PPAT: variants seen among roughly 807,000 people sequenced by gnomAD.
The protein encoded by PPAT is amidophosphoribosyltransferase.
A neutral mutation model predicts 60.2 loss-of-function variants in PPAT; 20 were observed. The ratio of observed to expected loss-of-function variants is 0.33; its 90% CI spans 0.23 to 0.48. The LOEUF is 0.48. PPAT is among the 20% of genes least tolerant of loss of function. The pLI, the probability that PPAT is intolerant of heterozygous loss-of-function variation, is 0.99. For missense variants in PPAT, 349 were observed against 629.6 expected, an observed-to-expected ratio of 0.55 and a Z score of 4.77; for synonymous variants, 194 against 215.1, an observed-to-expected ratio of 0.90 and a Z score of 0.86.
chr4:56,423,173 T>A (rs1717128814), intron 1 of PPAT: 1 of 152,256 alleles, frequency 6.6e-6, no homozygotes, highest in Non-Finnish European at 1.5e-5. Context: ...AAGCTTCATA[T>A]AACTTCACAA....
At chr4:56,416,691 G>T (rs574526860) in intron 1 of PPAT, among the ~76,000 whole-genome samples, 6 of 152,266 alleles carry the variant, frequency 3.9e-5, no homozygotes, top group African/African-American at 1.4e-4. Flanking sequence ...GAAATCTGAT[G>T]GCTAAACTTA....
At chr4:56,410,899 T>TAAAAAAAAAAA in intron 1 of PPAT, 1 of 676,424 alleles carries the variant, frequency 1.5e-6, no homozygotes, top group Non-Finnish European at 1.7e-6. Flanking sequence ...CCACTGAAGG[T>TAAAAAAAAAAA]AAAAAAAAAA....
chr4:56,407,355 G>C (rs1007870042), intron 2 of PPAT, among the ~76,000 whole-genome samples: 4 of 145,896 alleles, frequency 2.7e-5, no homozygotes, highest in African/African-American at 1.0e-4. Flanking sequence ...TTTCACTCTT[G>C]TTGCCCAGGC....
intron 1 of PPAT, among the ~76,000 whole-genome samples, chr4:56,428,306 C>A (rs1717402711): frequency 1.3e-5 from 2 of 151,926 alleles, no homozygotes; most frequent in African/African-American, 4.8e-5. Flanking sequence ...AACACAGAGG[C>A]CGGAAAATAC....
At chr4:56,407,304 T>A (rs776158503) in intron 2 of PPAT, among the ~76,000 whole-genome samples, 24 of 151,924 alleles carry the variant, frequency 1.6e-4, no homozygotes, top group Non-Finnish European at 2.8e-4. Flanking sequence ...ATCTTTGTCA[T>A]CCCATTTCTT....
At chr4:56,405,703 C>T (rs1716225334) in intron 3 of PPAT, among the ~76,000 whole-genome samples, 1 of 152,246 alleles carries the variant, frequency 6.6e-6, no homozygotes, top group Non-Finnish European at 1.5e-5. Context: ...GGCATGGAAG[C>T]TCCACACTCG....
chr4:56,426,985 G>A (rs1386783255), intron 1 of PPAT, among the ~76,000 whole-genome samples: 1 of 152,088 alleles, frequency 6.6e-6, no homozygotes, highest in African/African-American at 2.4e-5. Context: ...TCATATAAGT[G>A]GAATCATACA....
intron 1 of PPAT, among the ~76,000 whole-genome samples, chr4:56,411,300 C>A (rs867706157): frequency 2.1e-4 from 32 of 152,184 alleles, no homozygotes; most frequent in African/African-American, 7.5e-4. Context: ...CAGCTCCAAA[C>A]AAGAACTTTC....
chr4:56,425,434 GA>G, intron 1 of PPAT: 3 of 931,810 alleles, frequency 3.2e-6, no homozygotes, highest in Non-Finnish European at 3.8e-6. Flanking sequence ...TTACAAATGT[GA>G]AAAAAGAAAG....
chr4:56,398,045 A>G (rs1716022111), intron 9 of PPAT, among the ~76,000 whole-genome samples: 1 of 130,852 alleles, frequency 7.6e-6, no homozygotes, highest in Non-Finnish European at 1.8e-5. Flanking sequence ...AGTATCAAGG[A>G]AAAAAGAAAA....
chr4:56,433,961 A>G (rs1717753233), intron 1 of PPAT, among the ~76,000 whole-genome samples: 1 of 152,190 alleles, frequency 6.6e-6, no homozygotes, highest in Non-Finnish European at 1.5e-5. Flanking sequence ...AAGTGCTGGG[A>G]TTACAGGCGT....
intron 8 of PPAT, 164 bp downstream of exon 8, chr4:56,400,620 G>T: frequency 2.7e-6 from 2 of 735,570 alleles, no homozygotes; most frequent in Non-Finnish European, 4.0e-6. Flanking sequence ...TAGTGCCATT[G>T]GATAAAAAGC....
chr4:56,418,494 AT>A, intron 1 of PPAT, among the ~76,000 whole-genome samples: 1 of 151,874 alleles, frequency 6.6e-6, no homozygotes, highest in East Asian at 2.0e-4. Context: ...TAATTTTTGC[AT>A]TTTTTTGTAG....
chr4:56,414,753 A>G (rs77439348), intron 1 of PPAT, among the ~76,000 whole-genome samples: 1,698 of 152,202 alleles, frequency 0.011, 30 homozygotes, highest in African/African-American at 0.036. Flanking sequence ...CCCTGCCTTT[A>G]TTTACTGCTC....
intron 1 of PPAT, among the ~76,000 whole-genome samples, chr4:56,423,960 A>G (rs1464286): frequency 0.69 from 104,477 of 151,992 alleles, 36,015 homozygotes; most frequent in South Asian, 0.76. Context: ...TAAAAATATG[A>G]ATTATTTATC....
intron 1 of PPAT, among the ~76,000 whole-genome samples, chr4:56,429,568 CTT>C (rs1560651150): frequency 6.6e-6 from 1 of 152,114 alleles, no homozygotes; most frequent in African/African-American, 2.4e-5. Flanking sequence ...TCCAGTCTCT[CTT>C]TGACCCTAAT....
At position 56,424,324 on chromosome 4, in the gene PPAT, G is replaced by C. The variant is rs528489759; in HGVS notation, c.128+11026C>G. Among the ~76,000 whole-genome samples, 1,002 of 152,254 alleles carry C rather than the reference G, an allele frequency of 6.6e-3. 7 individuals carry two copies. The highest frequency in any genetic ancestry group is 0.017 in the South Asian group (80 of 4,818). ...CTGAAGGTTTTGATCTAGCAGGTTG[G>C]AGTCAGTTCAGGCACCCGTATTTTT... On this transcript the variant is annotated intron_variant, in intron 1 of 10. Coordinates refer to ENST00000264220, the MANE Select transcript of PPAT (RefSeq NM_002703.5).
chr4:56,416,282 C>T (rs1716745576), intron 1 of PPAT: 1 of 170,202 alleles, frequency 5.9e-6, no homozygotes, highest in Non-Finnish European at 1.2e-5. Flanking sequence ...AAGAATATGA[C>T]CACATTTAGC....
At chr4:56,429,030 T>C in intron 1 of PPAT, 2 of 822,132 alleles carry the variant, frequency 2.4e-6, no homozygotes, top group Non-Finnish European at 2.9e-6. Flanking sequence ...AATAACAAGT[T>C]CTTCCACACA....
Sources: allele counts gnomAD v4.1 joint callset (sites outside exome capture counted in the v4.1 genomes callset), GRCh38; gene constraint gnomAD v4.1.1; transcripts MANE v1.5; gene names NCBI Gene and HGNC (gene_info 2026-07-23, HGNC 2026-07-21).